The following PDE3A variants were observed in gnomAD, a reference collection of about 807,000 sequenced individuals.
PDE3A encodes cGMP-inhibited 3',5'-cyclic phosphodiesterase 3A.
PDE3A carries 43 observed loss-of-function variants against 98.3 expected under a neutral mutation model. That is an observed-to-expected ratio of 0.44 (90% CI 0.34 to 0.56). PDE3A has a LOEUF of 0.56. Among genes scored for constraint, PDE3A ranks in the 20% least tolerant of loss-of-function variants. The probability of loss-of-function intolerance (pLI) is 0.01; values close to 1 mark genes in which losing one functional copy is unlikely to be tolerated. For missense variants in PDE3A, 1,427 were observed against 1,440.7 expected (o/e 0.99, Z 0.15); for synonymous variants, 663 against 567.9 (o/e 1.17, Z -2.38).
chr12:20,554,373 T>TA (rs71039955), intron 1 of PDE3A, among the ~76,000 whole-genome samples: 136,168 of 149,376 alleles, frequency 0.91, 62,285 homozygotes, highest in East Asian at 0.99. Flanking sequence ...AAAAAAAAAA[T>TA]AAAAAAAATA....
chr12:20,562,219 CTTTTTTTT>C (rs138632511), intron 2 of PDE3A, among the ~76,000 whole-genome samples: 1 of 114,214 alleles, frequency 8.8e-6, no homozygotes, highest in Non-Finnish European at 1.8e-5. Context: ...AGAAAATATG[CTTTTTTTT>C]TTTTTTTTTT....
chr12:20,443,514 T>C (rs1235988440), intron 1 of PDE3A, among the ~76,000 whole-genome samples: 2 of 152,136 alleles, frequency 1.3e-5, no homozygotes, highest in African/African-American at 4.8e-5. Flanking sequence ...CGAAAATAAA[T>C]ATCTGTTTCC....
intron 1 of PDE3A, among the ~76,000 whole-genome samples, chr12:20,503,940 A>T (rs182172105): frequency 6.6e-6 from 1 of 152,266 alleles, no homozygotes; most frequent in East Asian, 1.9e-4. Context: ...AAATACCATG[A>T]CAACTGACTG....
chr12:20,527,996 A>T (rs577560831), intron 1 of PDE3A, among the ~76,000 whole-genome samples: 70 of 151,960 alleles, frequency 4.6e-4, no homozygotes, highest in African/African-American at 1.7e-3. Context: ...CGATTTTCTG[A>T]GGCTGAGACT....
At chr12:20,611,079 G>A (rs1318717918) in intron 2 of PDE3A, among the ~76,000 whole-genome samples, 1 of 151,840 alleles carries the variant, frequency 6.6e-6, no homozygotes, top group Non-Finnish European at 1.5e-5. Flanking sequence ...CAAGACGCTA[G>A]ATAATGTTAA....
At chr12:20,478,726 T>A (rs1039758000) in intron 1 of PDE3A, among the ~76,000 whole-genome samples, 1 of 152,188 alleles carries the variant, frequency 6.6e-6, no homozygotes, top group Non-Finnish European at 1.5e-5. Context: ...TCAGGACAAG[T>A]GTTAATATTA....
chr12:20,522,945 A>T (rs748631290), intron 1 of PDE3A, among the ~76,000 whole-genome samples: 3 of 152,078 alleles, frequency 2.0e-5, no homozygotes, highest in Non-Finnish European at 4.4e-5. Context: ...TGGGAATATT[A>T]ACTGGGGAGT....
intron 10 of PDE3A, among the ~76,000 whole-genome samples, chr12:20,643,687 A>G (rs1944698492): frequency 6.6e-6 from 1 of 152,138 alleles, no homozygotes; most frequent in African/African-American, 2.4e-5. Context: ...GTTTAAATAT[A>G]CATACTGTCT....
At chr12:20,478,185 G>A (rs1399484300) in intron 1 of PDE3A, among the ~76,000 whole-genome samples, 1 of 152,116 alleles carries the variant, frequency 6.6e-6, no homozygotes, top group East Asian at 1.9e-4. Context: ...CTTAGGAATA[G>A]GGATGGTTTA....
intron 1 of PDE3A, among the ~76,000 whole-genome samples, chr12:20,387,217 C>T (rs947538235): frequency 3.3e-5 from 5 of 152,030 alleles, no homozygotes; most frequent in Non-Finnish European, 5.9e-5. Flanking sequence ...ATGCCTGCTG[C>T]TTTGTTCTTT....
In PDE3A at chr12:20,490,846, C is replaced by T. The variant is rs572153410; in HGVS notation, c.961-65814C>T. Among the ~76,000 whole-genome samples the T allele has an allele frequency of 7.9e-5, 12 of 152,214 alleles. No individual in the cohort carries two copies. In the East Asian group the frequency reaches 2.3e-3, roughly 29 times the overall value. ...ATCCTTTAATCCAGGGGTGGTGGCT[C>T]ATACCTGTGATTTCAGTTATTTGGG... On this transcript the variant is annotated intron_variant, in intron 1 of 15. Coordinates refer to ENST00000359062, the MANE Select transcript of PDE3A (RefSeq NM_000921.5).
At chr12:20,538,350 C>A (rs1941804540) in intron 1 of PDE3A, among the ~76,000 whole-genome samples, 1 of 152,004 alleles carries the variant, frequency 6.6e-6, no homozygotes, top group Non-Finnish European at 1.5e-5. Context: ...TGCTTCTGGA[C>A]AGGGAAAATA....
chr12:20,631,700 A>ATTTTTTTT (rs58133440), intron 6 of PDE3A, among the ~76,000 whole-genome samples: 21 of 116,866 alleles, frequency 1.8e-4, no homozygotes, highest in East Asian at 3.0e-4. Context: ...ATCATAGTGT[A>ATTTTTTTT]TTTTTTTTTT....
rs58496505 is a variant in PDE3A, at chr12:20,687,914, G to GAAAAAAAAAAAAA, written c.*7654_*7666dup. ...GACCAGTCATTACCTCTTCCCAACAGAAAAAAAAAAAAAAAAAAAAAAACT... is the reference window on the plus strand; with the variant it reads ...GACCAGTCATTACCTCTTCCCAACAGAAAAAAAAAAAAAAAAAAAAAAAAAAAAAAAAAAAACT... On this transcript the variant is annotated 3_prime_UTR_variant, in exon 16 of 16. Transcript: ENST00000359062. Among the ~76,000 whole-genome samples, 5 of 94,312 alleles carry GAAAAAAAAAAAAA rather than the reference G, an allele frequency of 5.3e-5. No individual in the cohort carries two copies. Among genetic ancestry groups the GAAAAAAAAAAAAA allele is most frequent in the African/African-American group, 2.1e-4 (5 of 23,402 alleles). 61.9% of individuals were successfully genotyped at this position (94,312 alleles called of 152,430 possible).
chr12:20,555,543 C>T (rs769145073), intron 1 of PDE3A, among the ~76,000 whole-genome samples: 4 of 152,186 alleles, frequency 2.6e-5, no homozygotes, highest in Non-Finnish European at 2.9e-5. Context: ...TGTATCGCTA[C>T]ACTTATTCAT....
In PDE3A at chr12:20,654,096, A is replaced by G; in HGVS notation, c.3075A>G (p.Lys1025=). 1 of 1,614,176 alleles carries G rather than the reference A, an allele frequency of 6.2e-7. No homozygotes were observed. Among genetic ancestry groups the G allele is most frequent in the Non-Finnish European group, 8.5e-7 (1 of 1,180,032 alleles). ...SYDSAGLMPG[K]WVEDSDESGD... ...ATTCAGCAGGACTAATGCCTGGAAA[A>G]TGGGTGGAAGACAGCGATGAGTCAG... Residue 1025 remains lysine, a synonymous_variant, in exon 15 of 16, where the codon AAA becomes AAG. Transcript: ENST00000359062.
At chr12:20,601,835 A>AAGAG (rs1452043400) in intron 2 of PDE3A, among the ~76,000 whole-genome samples, 4 of 152,060 alleles carry the variant, frequency 2.6e-5, no homozygotes, top group African/African-American at 7.2e-5. Flanking sequence ...CTTGTTTTAA[A>AAGAG]AGAGATGGTC....
chr12:20,636,948 G>A, intron 8 of PDE3A, 152 bp from the exon 9 acceptor site: 1 of 521,318 alleles, frequency 1.9e-6, no homozygotes, highest in African/African-American at 2.0e-5. Flanking sequence ...TCTCGTTCAT[G>A]TTGACTTTTT....
intron 15 of PDE3A, among the ~76,000 whole-genome samples, chr12:20,670,665 A>G (rs1218750373): frequency 6.8e-6 from 1 of 147,576 alleles, no homozygotes; most frequent in Admixed American, 6.7e-5. Context: ...ACAAAGACAC[A>G]ACATACCAGA....
Sources: gnomAD v4.1 joint callset for allele counts (sites outside exome capture counted in the v4.1 genomes callset) on GRCh38, gnomAD v4.1.1 for gene constraint, MANE v1.5 for transcripts, NCBI Gene and HGNC (gene_info 2026-07-23, HGNC 2026-07-21) for gene names.